The following MKLN1 variants were observed in gnomAD, a reference collection of about 807,000 sequenced individuals.
MKLN1 encodes muskelin.
In MKLN1, 18 loss-of-function variants were observed where a neutral mutation model predicts 99.0. The ratio of observed to expected loss-of-function variants is 0.18; its 90% CI spans 0.13 to 0.27. The LOEUF is 0.27. Among genes scored for constraint, MKLN1 ranks in the 10% least tolerant of loss-of-function variants. The probability of loss-of-function intolerance (pLI) is 1.00; values close to 1 mark genes in which losing one functional copy is unlikely to be tolerated. For synonymous variants in MKLN1, 288 were observed against 293.2 expected, an observed-to-expected ratio of 0.98 and a Z score of 0.18; for missense variants, 621 against 875.9, an observed-to-expected ratio of 0.71 and a Z score of 3.67.
chr7:131,233,481 A>G (rs1390024105), intron 3 of MKLN1, among the ~76,000 whole-genome samples: 1 of 151,850 alleles, frequency 6.6e-6, no homozygotes, highest in Non-Finnish European at 1.5e-5. Context: ...GGTGATACAT[A>G]AGTTGTATAC....
intron 3 of MKLN1, among the ~76,000 whole-genome samples, chr7:131,248,978 C>T (rs543508613): frequency 1.3e-5 from 2 of 152,352 alleles, no homozygotes; most frequent in African/African-American, 4.8e-5. Context: ...TTCTCCCACC[C>T]CAAGAAACCC....
intron 3 of MKLN1, among the ~76,000 whole-genome samples, chr7:131,235,108 T>C (rs554134822): frequency 6.6e-6 from 1 of 152,274 alleles, no homozygotes; most frequent in South Asian, 2.1e-4. Context: ...CAGTCTTCTT[T>C]GACTTATAGG....
chr7:131,459,411 C>T (rs536775635), intron 12 of MKLN1, among the ~76,000 whole-genome samples: 1 of 152,198 alleles, frequency 6.6e-6, no homozygotes, highest in East Asian at 1.9e-4. Context: ...TTATGACCCA[C>T]CTTGAGGAAG....
intron 6 of MKLN1, among the ~76,000 whole-genome samples, chr7:131,403,220 A>C (rs1167986955): frequency 6.6e-6 from 1 of 152,314 alleles, no homozygotes; most frequent in East Asian, 1.9e-4. Flanking sequence ...TTTACTTTGC[A>C]CTTTTATGTT....
chr7:131,378,915 A>G (rs2116859204), intron 2 of MKLN1, among the ~76,000 whole-genome samples: 1 of 148,634 alleles, frequency 6.7e-6, no homozygotes, highest in South Asian at 2.1e-4. Context: ...CTGGAACCTT[A>G]AAGCAATTCA....
intron 6 of MKLN1, among the ~76,000 whole-genome samples, chr7:131,410,398 G>C (rs1794840325): frequency 6.6e-6 from 1 of 152,120 alleles, no homozygotes; most frequent in Non-Finnish European, 1.5e-5. Flanking sequence ...AATGAGATGA[G>C]ACAGCATAAA....
intron 3 of MKLN1, among the ~76,000 whole-genome samples, chr7:131,256,655 C>A (rs2116527205): frequency 6.6e-6 from 1 of 152,290 alleles, no homozygotes; most frequent in East Asian, 1.9e-4. Context: ...ATGTCCTTTG[C>A]AGCAACTTGG....
intron 3 of MKLN1, among the ~76,000 whole-genome samples, chr7:131,225,788 G>A (rs1015243219): frequency 1.3e-5 from 2 of 152,322 alleles, no homozygotes; most frequent in African/African-American, 2.4e-5. Context: ...CGAGGAAGAC[G>A]GCCTGTGTCC....
At chr7:131,137,214 G>T (rs1541959) in intron 1 of MKLN1, among the ~76,000 whole-genome samples, 1 of 151,986 alleles carries the variant, frequency 6.6e-6, no homozygotes, top group Non-Finnish European at 1.5e-5. Flanking sequence ...GCACATTATC[G>T]TGTTTATTGA....
chr7:131,464,719 T>C (rs1451474039), intron 14 of MKLN1, among the ~76,000 whole-genome samples: 3 of 152,236 alleles, frequency 2.0e-5, no homozygotes, highest in Admixed American at 6.5e-5. Flanking sequence ...AAGTAAAATA[T>C]GTACAGTTGT....
At chr7:131,444,816 GT>G (rs1410742021) in intron 11 of MKLN1, among the ~76,000 whole-genome samples, 3 of 149,562 alleles carry the variant, frequency 2.0e-5, no homozygotes, top group East Asian at 2.0e-4. Flanking sequence ...AGTAGTAGTA[GT>G]AGTAGAAGTG....
At chr7:131,403,558 A>G (rs775825027) in intron 6 of MKLN1, among the ~76,000 whole-genome samples, 15 of 152,248 alleles carry the variant, frequency 9.9e-5, no homozygotes, top group Middle Eastern at 3.4e-3. Context: ...TTGGCCTTTG[A>G]CATGCCTTCC....
chr7:131,439,611 C>T (rs1263928109), intron 10 of MKLN1, among the ~76,000 whole-genome samples: 1 of 152,052 alleles, frequency 6.6e-6, no homozygotes, highest in African/African-American at 2.4e-5. Context: ...TATGACACTC[C>T]AAAAATAGCT....
chr7:131,464,097 C>G lies in MKLN1; in HGVS notation c.1674-197C>G, dbSNP rs537803494. Among the ~76,000 whole-genome samples, 4 of 152,292 alleles carry G rather than the reference C, an allele frequency of 2.6e-5. No individual in the cohort carries two copies. The East Asian group carries it at 7.7e-4, about 29-fold the overall frequency. On this transcript the variant is annotated intron_variant, in intron 13 of 17. Transcript: ENST00000352689. The stretch of plus-strand genomic sequence containing the variant: ...AAAAGTAGGATATGTGAGCTATTTA[C>G]TGGACATCAAAAGAACTTTAGAACT...
chr7:131,183,487 G>A (rs962501335), intron 2 of MKLN1, among the ~76,000 whole-genome samples: 1 of 152,152 alleles, frequency 6.6e-6, no homozygotes, highest in South Asian at 2.1e-4. Context: ...ATTGGAAGGC[G>A]TAAATCTTGC....
intron 2 of MKLN1, among the ~76,000 whole-genome samples, chr7:131,162,805 A>AT (rs1181011139): frequency 1.3e-5 from 2 of 152,224 alleles, no homozygotes; most frequent in African/African-American, 2.4e-5. Context: ...ACTCATGAAC[A>AT]TTTTTTACAT....
intron 10 of MKLN1, among the ~76,000 whole-genome samples, chr7:131,439,786 G>A (rs529553957): frequency 6.6e-6 from 1 of 151,970 alleles, no homozygotes; most frequent in East Asian, 1.9e-4. Flanking sequence ...GAACATAGTG[G>A]CGGTTTAGTT....
intron 2 of MKLN1, among the ~76,000 whole-genome samples, chr7:131,151,680 T>C (rs1399729812): frequency 6.6e-6 from 1 of 152,170 alleles, no homozygotes; most frequent in Non-Finnish European, 1.5e-5. Context: ...TGGCAATACA[T>C]GTGCAGTATA....
intron 3 of MKLN1, among the ~76,000 whole-genome samples, chr7:131,216,849 C>G (rs1341703216): frequency 2.0e-5 from 3 of 152,160 alleles, no homozygotes; most frequent in Non-Finnish European, 2.9e-5. Flanking sequence ...AGGGCTGTGC[C>G]TTTTTCATCC....
Sources: allele counts gnomAD v4.1 joint callset (sites outside exome capture counted in the v4.1 genomes callset), GRCh38; gene constraint gnomAD v4.1.1; transcripts MANE v1.5; gene names NCBI Gene and HGNC (gene_info 2026-07-23, HGNC 2026-07-21).